The following MALRD1 variants were observed in gnomAD, a reference collection of about 807,000 sequenced individuals.
MALRD1 encodes the protein MAM and LDL receptor class A domain containing 1, also known as MAM and LDL-receptor class A domain-containing protein 1.
Under a neutral mutation model 242.1 loss-of-function variants are expected in MALRD1, and 247 were observed. That is an observed-to-expected ratio of 1.02 (90% confidence interval 0.92 to 1.13). The LOEUF (loss-of-function observed/expected upper bound fraction) is 1.13, where lower values mean the gene tolerates loss of function less well. MALRD1 is among the 50% of genes most tolerant of loss of function. MALRD1 has a pLI of 0.00. For synonymous variants in MALRD1, 995 were observed against 866.6 expected, an observed-to-expected ratio of 1.15 and a Z score of -2.60; for missense variants, 2,989 against 2,533.1, an observed-to-expected ratio of 1.18 and a Z score of -3.86.
At chr10:19,720,863 T>G (rs573433612) in intron 38 of MALRD1, among the ~76,000 whole-genome samples, 165 of 152,210 alleles carry the variant, frequency 1.1e-3, no homozygotes, top group African/African-American at 3.9e-3. Context: ...AAAATAACAC[T>G]TTAAGGTTTT....
chr10:19,459,026 A>G (rs1835806790), intron 29 of MALRD1, among the ~76,000 whole-genome samples: 1 of 152,160 alleles, frequency 6.6e-6, no homozygotes, highest in Non-Finnish European at 1.5e-5. Context: ...TATTACATAA[A>G]GAGACATTAT....
chr10:19,185,388 T>G (rs1235261399), intron 14 of MALRD1, among the ~76,000 whole-genome samples: 1 of 152,094 alleles, frequency 6.6e-6, no homozygotes, highest in Non-Finnish European at 1.5e-5. Context: ...CTAAACAATT[T>G]CCTATATTCT....
intron 31 of MALRD1, among the ~76,000 whole-genome samples, chr10:19,529,553 G>C (rs904176731): frequency 2.8e-5 from 4 of 142,448 alleles, no homozygotes; most frequent in Admixed American, 7.0e-5. Context: ...AGGAGGGGGG[G>C]GGAGAAAACA....
chr10:19,682,121 A>G (rs564623926), intron 36 of MALRD1, among the ~76,000 whole-genome samples: 2 of 152,340 alleles, frequency 1.3e-5, no homozygotes, highest in Non-Finnish European at 2.9e-5. Context: ...TAGACTTATT[A>G]GGACAATTCA....
At chr10:19,397,668 T>C (rs1846642886) in intron 28 of MALRD1, among the ~76,000 whole-genome samples, 2 of 152,150 alleles carry the variant, frequency 1.3e-5, no homozygotes. Flanking sequence ...ACATACTGTT[T>C]TCATAATGGC....
chr10:19,066,806 G>A lies in MALRD1; in HGVS notation c.287G>A (p.Ser96Asn), dbSNP rs959564582. ...CTGCAACCTAGTTGGACAAAGAGAAGTGGGATGATTGGTCTATCACCTCCA... is the reference window on the plus strand; with the variant it reads ...CTGCAACCTAGTTGGACAAAGAGAAATGGGATGATTGGTCTATCACCTCCA... ...QSLQPSWTKRSGMIGLSPPFY... is the reference protein window; with the variant it reads ...QSLQPSWTKRNGMIGLSPPFY... The change falls in exon 2 of 40, where the codon AGT becomes AAT. Residue 96 changes from serine to asparagine, a missense_variant. Ser to Asn is a conservative substitution (Grantham distance 46). Transcript: ENST00000454679. 1 of 1,233,720 alleles carries A rather than the reference G, an allele frequency of 8.1e-7. No homozygotes were observed. Among genetic ancestry groups the A allele is most frequent in the African/African-American group, 1.5e-5 (1 of 64,624 alleles). 76.4% of individuals were successfully genotyped at this position (1,233,720 alleles called of 1,614,324 possible).
chr10:19,394,945 T>C (rs1333925328), intron 28 of MALRD1, among the ~76,000 whole-genome samples: 1 of 152,230 alleles, frequency 6.6e-6, no homozygotes, highest in Non-Finnish European at 1.5e-5. Flanking sequence ...TTATTCATTA[T>C]TTCAGAAAAA....
chr10:19,220,133 G>T (rs1468486237), intron 18 of MALRD1, among the ~76,000 whole-genome samples: 1 of 152,112 alleles, frequency 6.6e-6, no homozygotes, highest in Non-Finnish European at 1.5e-5. Context: ...TTAGAACTCA[G>T]TGCTGATTTC....
chr10:19,223,470 A>G (rs1388843895), intron 18 of MALRD1, among the ~76,000 whole-genome samples: 1 of 151,852 alleles, frequency 6.6e-6, no homozygotes, highest in Non-Finnish European at 1.5e-5. Context: ...TTATTATGTC[A>G]CTATTTGTGT....
chr10:19,454,359 G>C (rs1451658850), intron 29 of MALRD1, among the ~76,000 whole-genome samples: 1 of 140,434 alleles, frequency 7.1e-6, no homozygotes. Context: ...AGCCAGGTTT[G>C]AGAATTGGTT....
At chr10:19,672,299 C>A (rs1841957617) in intron 36 of MALRD1, among the ~76,000 whole-genome samples, 1 of 151,884 alleles carries the variant, frequency 6.6e-6, no homozygotes, top group Admixed American at 6.6e-5. Flanking sequence ...TATATTACTA[C>A]CAGCTCTTTA....
intron 18 of MALRD1, among the ~76,000 whole-genome samples, chr10:19,238,486 TATATAATATATAATATA>T (rs1838556368): frequency 1.5e-5 from 1 of 65,974 alleles, no homozygotes; most frequent in African/African-American, 7.2e-5. Context: ...ATATACATTA[TATATAATATATAATATA>T]ATATATAATG....
intron 31 of MALRD1, among the ~76,000 whole-genome samples, chr10:19,503,600 G>T (rs1251117911): frequency 6.6e-6 from 1 of 152,170 alleles, no homozygotes; most frequent in African/African-American, 2.4e-5. Context: ...AAGGCATAAG[G>T]CACAAAGCTG....
At chr10:19,379,926 G>C (rs551822215) in intron 26 of MALRD1, among the ~76,000 whole-genome samples, 1 of 146,864 alleles carries the variant, frequency 6.8e-6, no homozygotes, top group African/African-American at 2.5e-5. Flanking sequence ...GTCAGTGTGT[G>C]TTTGTTGTAA....
intron 33 of MALRD1, among the ~76,000 whole-genome samples, chr10:19,580,390 C>G (rs1589262073): frequency 1.3e-5 from 2 of 152,172 alleles, no homozygotes; most frequent in East Asian, 3.9e-4. Flanking sequence ...AGTCTGCAGC[C>G]TCTGTATGTG....
chr10:19,244,760 A>T (rs925344986), intron 18 of MALRD1, among the ~76,000 whole-genome samples: 2 of 152,150 alleles, frequency 1.3e-5, no homozygotes, highest in South Asian at 4.1e-4. Context: ...TTCAGGTTTG[A>T]TTGTCTTTGA....
chr10:19,148,521 A>G (rs1187655061), intron 11 of MALRD1, among the ~76,000 whole-genome samples: 1 of 152,112 alleles, frequency 6.6e-6, no homozygotes, highest in African/African-American at 2.4e-5. Context: ...AAAACACCAG[A>G]TAAGACAATT....
rs1214378128 is a variant in MALRD1, at chr10:19,399,958, C to G, written c.4845+10349C>G. Among the ~76,000 whole-genome samples, 2 of 152,088 alleles carry G rather than the reference C, an allele frequency of 1.3e-5. 1 individual carries two copies. Among genetic ancestry groups the G allele is most frequent in the Non-Finnish European group, 2.9e-5 (2 of 68,022 alleles). On this transcript the variant is annotated intron_variant, in intron 28 of 39. Transcript: ENST00000454679. ...CTGAGCAGTTTGGGATATACTATGCCCAACTTAGACTATTTCTAACTAACA... is the reference window on the plus strand; with the variant it reads ...CTGAGCAGTTTGGGATATACTATGCGCAACTTAGACTATTTCTAACTAACA...
At chr10:19,235,970 C>T (rs1224663199) in intron 18 of MALRD1, among the ~76,000 whole-genome samples, 1 of 151,810 alleles carries the variant, frequency 6.6e-6, no homozygotes, top group Non-Finnish European at 1.5e-5. Flanking sequence ...GAGTATAGAG[C>T]AAAGAAATAT....
Sources: gnomAD v4.1 joint callset for allele counts (sites outside exome capture counted in the v4.1 genomes callset) on GRCh38, gnomAD v4.1.1 for gene constraint, MANE v1.5 for transcripts, NCBI Gene and HGNC (gene_info 2026-07-23, HGNC 2026-07-21) for gene names.